Variants in WWP2 observed in about 807,000 individuals in gnomAD.
The protein encoded by WWP2 is WW domain containing E3 ubiquitin protein ligase 2.
In WWP2, 57 loss-of-function variants were observed where a neutral mutation model predicts 121.0. The ratio of observed to expected loss-of-function variants is 0.47; its 90% CI spans 0.38 to 0.59. The LOEUF is 0.59. WWP2 is among the 20% of genes least tolerant of loss of function. WWP2 has a pLI of 0.00. For missense variants in WWP2, 962 were observed against 1,158.9 expected (o/e 0.83, Z 2.47); for synonymous variants, 449 against 441.3 (o/e 1.02, Z -0.22).
intron 6 of WWP2, among the ~76,000 whole-genome samples, chr16:69,862,033 T>C (rs1014351061): frequency 6.6e-6 from 1 of 152,194 alleles, no homozygotes; most frequent in African/African-American, 2.4e-5. Flanking sequence ...GTGCCTGTTT[T>C]ATAGGAGGAA....
chr16:69,784,494 T>C (rs140112590), intron 1 of WWP2, among the ~76,000 whole-genome samples: 23 of 152,314 alleles, frequency 1.5e-4, no homozygotes, highest in African/African-American at 5.3e-4. Flanking sequence ...AAGCAGTTGG[T>C]GCTAGCACCA....
At chr16:69,852,573 C>T (rs1248144208) in intron 6 of WWP2, among the ~76,000 whole-genome samples, 1 of 152,152 alleles carries the variant, frequency 6.6e-6, no homozygotes, top group Non-Finnish European at 1.5e-5. Flanking sequence ...CTTGCCCGGC[C>T]TATGATATGG....
At chr16:69,939,442 G>GA (rs759018558) in intron 23 of WWP2, 29 bp downstream of exon 23, 1 of 1,611,206 alleles carries the variant, frequency 6.2e-7, no homozygotes, top group Non-Finnish European at 8.5e-7. Flanking sequence ...GTGGGAGGTC[G>GA]GGGGGCCTCA....
At chr16:69,866,253 T>TA (rs1284751702) in intron 6 of WWP2, among the ~76,000 whole-genome samples, 1 of 151,472 alleles carries the variant, frequency 6.6e-6, no homozygotes, top group African/African-American at 2.4e-5. Context: ...AAATGCTTTT[T>TA]AAAAAAAGGT....
chr16:69,814,475 C>T (rs947818382), intron 4 of WWP2, among the ~76,000 whole-genome samples: 2 of 152,158 alleles, frequency 1.3e-5, no homozygotes, highest in Admixed American at 1.3e-4. Context: ...AATTCCTTCA[C>T]ATCTGTAATG....
chr16:69,897,982 A>C (rs918194066), intron 8 of WWP2, among the ~76,000 whole-genome samples: 2 of 151,236 alleles, frequency 1.3e-5, no homozygotes, highest in African/African-American at 4.9e-5. Flanking sequence ...TTTCCTGTGC[A>C]TGCCTTTTTG....
intron 8 of WWP2, among the ~76,000 whole-genome samples, chr16:69,894,791 A>G (rs917660335): frequency 1.3e-5 from 2 of 152,216 alleles, no homozygotes; most frequent in Non-Finnish European, 2.9e-5. Context: ...CTGTGTGTAC[A>G]TGGCTTAGAT....
At chr16:69,800,905 G>T (rs1158630059) in intron 4 of WWP2, among the ~76,000 whole-genome samples, 2 of 149,140 alleles carry the variant, frequency 1.3e-5, no homozygotes, top group Non-Finnish European at 3.0e-5. Context: ...CAATTTTATG[G>T]CCGGGGGTGG....
At chr16:69,864,045 A>T (rs970805406) in intron 6 of WWP2, among the ~76,000 whole-genome samples, 7 of 152,190 alleles carry the variant, frequency 4.6e-5, no homozygotes, top group Admixed American at 2.0e-4. Flanking sequence ...TTTTATGCAA[A>T]CATGTTTTCA....
chr16:69,908,709 G>A (rs201701573), intron 8 of WWP2, 52 bp from the exon 9 acceptor site: 3 of 1,589,504 alleles, frequency 1.9e-6, no homozygotes, highest in South Asian at 2.3e-5. Flanking sequence ...TCTAACAGGG[G>A]CCTATGCCTT....
chr16:69,806,874 T>A (rs2056285946), intron 4 of WWP2, among the ~76,000 whole-genome samples: 1 of 152,186 alleles, frequency 6.6e-6, no homozygotes, highest in Admixed American at 6.5e-5. Context: ...ATACCATATT[T>A]TGTAATATTA....
intron 6 of WWP2, among the ~76,000 whole-genome samples, chr16:69,858,448 G>C (rs190056815): frequency 1.1e-4 from 16 of 152,220 alleles, no homozygotes; most frequent in African/African-American, 3.4e-4. Flanking sequence ...CATGTTGCTG[G>C]TTTACGTTCC....
chr16:69,901,073 A>G (rs1350615576), intron 8 of WWP2, among the ~76,000 whole-genome samples: 1 of 152,192 alleles, frequency 6.6e-6, no homozygotes, highest in Non-Finnish European at 1.5e-5. Context: ...CTACTGAAGC[A>G]CTAAACACAG....
intron 6 of WWP2, among the ~76,000 whole-genome samples, chr16:69,843,237 T>C (rs993786411): frequency 2.0e-5 from 3 of 152,154 alleles, no homozygotes; most frequent in African/African-American, 4.8e-5. Context: ...CTTGTAATGT[T>C]GGTTAAGACC....
At chr16:69,818,956 C>T (rs898873313) in intron 4 of WWP2, among the ~76,000 whole-genome samples, 1 of 152,156 alleles carries the variant, frequency 6.6e-6, no homozygotes, top group African/African-American at 2.4e-5. Flanking sequence ...TAATTAACAT[C>T]CTCAAGTGAA....
rs2152000281 is a variant in WWP2, at chr16:69,937,646, C to T, written c.2337C>T (p.Phe779=). ...AGAACAGCAAGCAGATCCAGTGGTT[C>T]TGGCAGGTGGGTCCCGGGCCCAGGC... The part of the protein sequence containing the change: ...YTKNSKQIQW[F]WQVVKEMDNE... The change falls in exon 21 of 24, where the codon TTC becomes TTT. Residue 779 remains phenylalanine, a synonymous_variant. Transcript: ENST00000359154. The surrounding 1 kb of genome is among the most constrained non-coding windows in gnomAD (Gnocchi z 6.6). The T allele has an allele frequency of 6.2e-7, 1 of 1,613,972 alleles. No individual in the cohort carries two copies. The highest frequency in any genetic ancestry group is 1.1e-5 in the South Asian group (1 of 91,054).
chr16:69,936,963 C>T, intron 19 of WWP2, 155 bp from the exon 20 acceptor site: 1 of 1,024,630 alleles, frequency 9.8e-7, no homozygotes, highest in Non-Finnish European at 1.4e-6. Context: ...GTTTTCAGGG[C>T]CTCACTCTAG....
intron 4 of WWP2, among the ~76,000 whole-genome samples, chr16:69,804,320 T>G (rs906589590): frequency 2.6e-5 from 4 of 152,224 alleles, no homozygotes; most frequent in Admixed American, 2.0e-4. Context: ...TGGGTGTTTA[T>G]GATTTTATTT....
At chr16:69,767,314 T>A (rs896150963) in intron 1 of WWP2, among the ~76,000 whole-genome samples, 10 of 152,194 alleles carry the variant, frequency 6.6e-5, no homozygotes, top group Non-Finnish European at 1.5e-4. Context: ...ACATTTAACC[T>A]TGTTGAGGTG....
Sources: allele counts gnomAD v4.1 joint callset (sites outside exome capture counted in the v4.1 genomes callset), GRCh38; gene constraint gnomAD v4.1.1; non-coding constraint Gnocchi (gnomAD v3.1); transcripts MANE v1.5; gene names NCBI Gene and HGNC (gene_info 2026-07-23, HGNC 2026-07-21).